Variants in PTPN13 observed in about 807,000 individuals in gnomAD.
The protein encoded by PTPN13 is protein tyrosine phosphatase non-receptor type 13.
PTPN13 carries 191 observed loss-of-function variants against 284.0 expected under a neutral mutation model. That is an observed-to-expected ratio of 0.67 (90% confidence interval 0.60 to 0.76). The LOEUF is 0.76. Ranked by LOEUF, PTPN13 falls within the 30% of genes least tolerant of loss-of-function variation. The pLI, the probability that PTPN13 is intolerant of heterozygous loss-of-function variation, is 0.00. For synonymous variants in PTPN13, 986 were observed against 1,022.3 expected, an observed-to-expected ratio of 0.96 and a Z score of 0.68; for missense variants, 2,797 against 2,939.9, an observed-to-expected ratio of 0.95 and a Z score of 1.12.
intron 1 of PTPN13, among the ~76,000 whole-genome samples, chr4:86,619,133 A>G (rs1430528415): frequency 6.6e-6 from 1 of 152,198 alleles, no homozygotes; most frequent in Non-Finnish European, 1.5e-5. Context: ...CCAGTCAGCC[A>G]CGCGATCACA....
chr4:86,738,384 C>T (rs1162328561), intron 15 of PTPN13, among the ~76,000 whole-genome samples: 1 of 152,128 alleles, frequency 6.6e-6, no homozygotes, highest in Non-Finnish European at 1.5e-5. Context: ...TAGTTTCAGT[C>T]TTTTTCACTT....
chr4:86,635,986 C>T (rs1722970241), intron 2 of PTPN13, among the ~76,000 whole-genome samples: 1 of 151,974 alleles, frequency 6.6e-6, no homozygotes, highest in Non-Finnish European at 1.5e-5. Flanking sequence ...TACACACACA[C>T]TCACACACGA....
At chr4:86,743,117 A>C (rs1736338955) in intron 16 of PTPN13, among the ~76,000 whole-genome samples, 2 of 152,124 alleles carry the variant, frequency 1.3e-5, no homozygotes, top group Non-Finnish European at 2.9e-5. Context: ...CTCATATCTC[A>C]CAACTGAGTT....
rs1001453232 is a variant in PTPN13, at chr4:86,815,156, C to G, written c.*605C>G. The G allele has an allele frequency of 6.6e-6, 1 of 152,470 alleles. No individual in the cohort carries two copies. Among genetic ancestry groups the G allele is most frequent in the Non-Finnish European group, 1.5e-5 (1 of 68,042 alleles). The allele number at this position is 152,470 out of a possible 1,614,324, so 9.4% of individuals were successfully genotyped here. A position where few individuals can be genotyped will look rare whatever the true frequency, so the allele number is the denominator to read the frequency against. ...AAACACACCTTAAAACATGAACAAG[C>G]CAAAACTGTGTGCAGACAAATTAGA... On this transcript the variant is annotated 3_prime_UTR_variant, in exon 48 of 48. Coordinates refer to ENST00000411767, the MANE Select transcript of PTPN13 (RefSeq NM_080683.3).
rs576595526 is a variant in PTPN13 at position 86,650,079 on chromosome 4, A to T, written c.115+14708A>T. ...TGGCTCACTGCAGCCTCTGCCTCCC[A>T]GGTTCAAGTGATTCTCCCTGCCTCA... is the stretch of plus-strand genomic sequence containing the variant. On this transcript the variant is annotated intron_variant, in intron 2 of 47. Transcript: ENST00000411767. Among the ~76,000 whole-genome samples the T allele has an allele frequency of 9.9e-5, 15 of 152,112 alleles. No homozygotes were observed. In the East Asian group the frequency reaches 2.5e-3, roughly 25 times the overall value.
At position 86,750,613 on chromosome 4, in the gene PTPN13, C is replaced by T; in HGVS notation, c.2794C>T (p.Leu932=). The T allele has an allele frequency of 6.2e-7, 1 of 1,613,934 alleles. No individual in the cohort carries two copies. Residue 932 remains leucine (L), a synonymous_variant, in exon 18 of 48, where the codon CTG becomes TTG. Transcript: ENST00000411767. ...ACCTTTATCAGTTCAAGCTGAGATT[C>T]TGAAGAGGCTATCCTGCTCAGAGCT... ...VRPLSVQAEI[L]KRLSCSELSL...
chr4:86,625,718 A>T (rs897807399), intron 1 of PTPN13, among the ~76,000 whole-genome samples: 1 of 152,066 alleles, frequency 6.6e-6, no homozygotes, highest in South Asian at 2.1e-4. Context: ...GTTGGCTGGG[A>T]TACACTTTTG....
intron 40 of PTPN13, among the ~76,000 whole-genome samples, chr4:86,793,048 A>G (rs1369395651): frequency 6.6e-6 from 1 of 152,236 alleles, no homozygotes; most frequent in East Asian, 1.9e-4. Context: ...TGCCCCAATT[A>G]AAAGACACAG....
Position 86,639,887 on chromosome 4 carries a change from G to A in PTPN13, c.115+4516G>A, listed in dbSNP as rs763322188. On this transcript the variant is annotated intron_variant, in intron 2 of 47. Transcript: ENST00000411767. ...GACCTACTAAATAAGCAACTCTGGG[G>A]GTGCAGCCCAGCAATTTGTGTTTTA... 2.3e-3 allele frequency among the ~76,000 whole-genome samples: 346 copies of A among 152,070 alleles called. 3 individuals carry two copies. The highest frequency in any genetic ancestry group is 3.6e-3 in the Non-Finnish European group (245 of 68,020).
intron 47 of PTPN13, 106 bp downstream of exon 47, chr4:86,811,214 C>A: frequency 9.2e-7 from 1 of 1,089,338 alleles, no homozygotes; most frequent in Non-Finnish European, 1.3e-6. Context: ...CATGTTAGAG[C>A]ATAAAACCAA....
intron 40 of PTPN13, among the ~76,000 whole-genome samples, chr4:86,791,534 G>C (rs1382941332): frequency 6.6e-6 from 1 of 152,216 alleles, no homozygotes; most frequent in Non-Finnish European, 1.5e-5. Flanking sequence ...TCTGAGAATG[G>C]ACAGACTGCC....
At chr4:86,701,922 G>A (rs1480756540) in intron 7 of PTPN13, 121 bp downstream of exon 7, 28 of 943,262 alleles carry the variant, frequency 3.0e-5, no homozygotes, top group Middle Eastern at 5.6e-4. Context: ...TTTGTACCCT[G>A]GTTAGTCTCT....
chr4:86,600,460 C>G (rs1301420756), intron 1 of PTPN13, among the ~76,000 whole-genome samples: 1 of 40,854 alleles, frequency 2.4e-5, no homozygotes, highest in Non-Finnish European at 4.6e-5. Flanking sequence ...TTTTTTTTTA[C>G]CTATTCTGAT....
intron 3 of PTPN13, among the ~76,000 whole-genome samples, chr4:86,675,097 C>G (rs924076435): frequency 6.6e-6 from 1 of 152,136 alleles, no homozygotes. Flanking sequence ...GATCCCCACA[C>G]AAGTTAACCC....
chr4:86,606,047 G>C (rs1764711163), intron 1 of PTPN13, among the ~76,000 whole-genome samples: 1 of 151,878 alleles, frequency 6.6e-6, no homozygotes, highest in Admixed American at 6.6e-5. Flanking sequence ...ATCCCACTGA[G>C]GCTGGGAGGA....
At chr4:86,678,917 T>C (rs1441715246) in intron 3 of PTPN13, among the ~76,000 whole-genome samples, 1 of 152,226 alleles carries the variant, frequency 6.6e-6, no homozygotes. Context: ...TGCCCATGGC[T>C]AGTTCATTCT....
At chr4:86,801,515 G>A (rs1347043029) in intron 42 of PTPN13, among the ~76,000 whole-genome samples, 1 of 152,174 alleles carries the variant, frequency 6.6e-6, no homozygotes, top group Non-Finnish European at 1.5e-5. Flanking sequence ...AAGCATACTT[G>A]TAAAACTTTA....
At chr4:86,597,938 G>C (rs1288196159) in intron 1 of PTPN13, among the ~76,000 whole-genome samples, 2 of 152,062 alleles carry the variant, frequency 1.3e-5, no homozygotes, top group Non-Finnish European at 2.9e-5. Context: ...ATTGAATCCT[G>C]CTTTTTTAAT....
At chr4:86,666,735 C>G (rs945370826) in intron 2 of PTPN13, among the ~76,000 whole-genome samples, 3 of 152,162 alleles carry the variant, frequency 2.0e-5, no homozygotes, top group African/African-American at 7.2e-5. Context: ...ATAGGACCCA[C>G]AGATTGGCTG....
Sources: gnomAD v4.1 joint callset for allele counts (sites outside exome capture counted in the v4.1 genomes callset) on GRCh38, gnomAD v4.1.1 for gene constraint, MANE v1.5 for transcripts, NCBI Gene and HGNC (gene_info 2026-07-23, HGNC 2026-07-21) for gene names.